The following CCT5 variants were observed in gnomAD, a reference collection of about 807,000 sequenced individuals.
CCT5 encodes chaperonin containing TCP1 subunit 5.
A neutral mutation model predicts 55.0 loss-of-function variants in CCT5; 6 were observed. The ratio of observed to expected loss-of-function variants is 0.11; its 90% CI spans 0.06 to 0.22. The LOEUF (loss-of-function observed/expected upper bound fraction) is 0.22. Ranked by LOEUF, CCT5 falls within the 10% of genes least tolerant of loss-of-function variation. CCT5 has a pLI of 1.00. For synonymous variants in CCT5, 231 were observed against 243.7 expected, an observed-to-expected ratio of 0.95 and a Z score of 0.49; for missense variants, 560 against 694.6, an observed-to-expected ratio of 0.81 and a Z score of 2.18.
upstream of CCT5, chr5:10,249,999 A>AGTCAATG: frequency 6.5e-7 from 1 of 1,540,616 alleles, no homozygotes; most frequent in Non-Finnish European, 8.7e-7. Context: ...TAGTGCTTTA[A>AGTCAATG]GTCAATGAAT....
intron 1 of CCT5, among the ~76,000 whole-genome samples, chr5:10,253,047 C>T (rs546904683): frequency 6.6e-6 from 1 of 152,202 alleles, no homozygotes; most frequent in South Asian, 2.1e-4. Flanking sequence ...CAGTTTCAGC[C>T]GGGCGTGGTT....
At chr5:10,255,567 AAGG>A (rs1293765881) in intron 3 of CCT5, among the ~76,000 whole-genome samples, 1 of 142,682 alleles carries the variant, frequency 7.0e-6, no homozygotes, top group Middle Eastern at 3.2e-3. Context: ...AATGAGGAGA[AAGG>A]AGGATGGGGG....
intron 3 of CCT5, 136 bp from the exon 4 acceptor site, chr5:10,255,819 C>T (rs1345282841): frequency 2.6e-6 from 2 of 769,086 alleles, no homozygotes; most frequent in Non-Finnish European, 4.4e-6. Context: ...AAATAGAGGG[C>T]TTCTGCCTCT....
Position 10,254,707 on chromosome 5 carries a change from A to G in CCT5, c.200A>G (p.Asp67Gly). The G allele has an allele frequency of 6.2e-7, 1 of 1,613,716 alleles. No homozygotes were observed. Among genetic ancestry groups the G allele is most frequent in the Non-Finnish European group, 8.5e-7 (1 of 1,179,754 alleles). The change falls in exon 3 of 11, where the codon GAT becomes GGT. Residue 67 changes from aspartate to glycine, a missense_variant. Physicochemically the swap from Asp to Gly is moderately conservative, Grantham distance 94. Transcript: ENST00000280326. ...LDKMMVDKDGDVTVTNDGATI... is the reference protein window; with the variant it reads ...LDKMMVDKDGGVTVTNDGATI... ...AAGATGATGGTGGATAAGGATGGAG[A>G]TGTGACTGTAACTAATGATGGGGCC...
rs943730319 is a variant in CCT5 at position 10,264,975 on chromosome 5, C to T, written c.*192C>T. On this transcript the variant is annotated 3_prime_UTR_variant, in exon 11 of 11. Transcript: ENST00000280326. ...AATCGTGGGGGTACCATCTCAACTG[C>T]TTTTGTATTCATTGTATTAAAAGAA... 5 of 617,818 alleles carry T rather than the reference C, an allele frequency of 8.1e-6. No individual in the cohort carries two copies. The African/African-American group carries it at 9.2e-5, about 11-fold the overall frequency. 38.3% of individuals were successfully genotyped at this position (617,818 alleles called of 1,614,324 possible).
At chr5:10,258,707 G>A (rs1745803316) in intron 6 of CCT5, among the ~76,000 whole-genome samples, 172 bp downstream of exon 6, 2 of 152,210 alleles carry the variant, frequency 1.3e-5, no homozygotes, top group South Asian at 4.1e-4. Flanking sequence ...TCTTAAAATG[G>A]TAGCGTGTTC....
chr5:10,266,089 T>G lies in CCT5; in HGVS notation c.*1306T>G, dbSNP rs1746218944. 1.3e-5 allele frequency: 2 copies of G among 152,212 alleles called. No homozygotes were observed. The highest frequency in any genetic ancestry group is 4.8e-5 in the African/African-American group (2 of 41,452). 9.4% of individuals were successfully genotyped at this position (152,212 alleles called of 1,614,324 possible). On this transcript the variant is annotated 3_prime_UTR_variant, in exon 11 of 11. Transcript: ENST00000280326. The stretch of plus-strand genomic sequence containing the variant: ...TGTGCTAATAGCAATCTTCCTAATT[T>G]TCATGTTTATATGGAACTATGCAGT...
At chr5:10,261,496 C>T (rs1309894593) in intron 7 of CCT5, 64 bp from the exon 8 acceptor site, 2 of 1,517,496 alleles carry the variant, frequency 1.3e-6, no homozygotes, top group Middle Eastern at 1.7e-4. Context: ...TCATTTGTGG[C>T]CCAGTTTTGA....
At chr5:10,260,072 T>C (rs1176831718) in intron 6 of CCT5, among the ~76,000 whole-genome samples, 1 of 152,124 alleles carries the variant, frequency 6.6e-6, no homozygotes, top group Non-Finnish European at 1.5e-5. Context: ...AGGAGGCTGC[T>C]GTTCTGGACT....
At chr5:10,264,617 A>G (rs747733119) in intron 10 of CCT5, 39 bp from the exon 11 acceptor site, 5 of 1,276,444 alleles carry the variant, frequency 3.9e-6, no homozygotes, top group South Asian at 3.6e-5. Context: ...AGTTTATTGT[A>G]TGCTATTTTA....
At position 10,255,941 on chromosome 5, in the gene CCT5, T is replaced by C. The variant is rs376698368; in HGVS notation, c.332-14T>C. Reference sequence around the variant, plus strand: ...TTGTTTGCCTGAACTGATTGTCTGCTGGCTTATTTGCAGTCCTGGCTGGTG... The same window carrying C: ...TTGTTTGCCTGAACTGATTGTCTGCCGGCTTATTTGCAGTCCTGGCTGGTG... On this transcript the variant is annotated splice_polypyrimidine_tract_variant and intron_variant, in intron 3 of 10. Transcript: ENST00000280326. 133 of 1,613,082 alleles carry C rather than the reference T, an allele frequency of 8.2e-5. No homozygotes were observed. The highest frequency in any genetic ancestry group is 1.1e-4 in the Non-Finnish European group (131 of 1,179,356).
intron 7 of CCT5, chr5:10,261,228 G>GT (rs967701542): frequency 7.1e-5 from 35 of 494,114 alleles, no homozygotes; most frequent in African/African-American, 6.4e-4. Flanking sequence ...TGCCTCGGTG[G>GT]TTCTCACTGC....
chr5:10,258,337 G>C, intron 5 of CCT5, 34 bp downstream of exon 5: 1 of 1,613,986 alleles, frequency 6.2e-7, no homozygotes, highest in Non-Finnish European at 8.5e-7. Flanking sequence ...TCGCACTGTT[G>C]GTTAACTCTT....
At position 10,256,098 on chromosome 5, in the gene CCT5, A is replaced by C. The variant is rs759349493; in HGVS notation, c.475A>C (p.Ile159Leu). Residue 159 changes from isoleucine to leucine, a missense_variant, in exon 4 of 11, where the codon ATA (isoleucine) becomes CTA (leucine). Physicochemically the swap from Ile to Leu is conservative, Grantham distance 5. Around this residue, in one of 4 missense-constraint regions of CCT5, gnomAD observed 52 missense variants for 35.3 expected, o/e 1.47. Coordinates refer to ENST00000280326, the MANE Select transcript of CCT5 (RefSeq NM_012073.5). ...GATCAGCGATAGCGTCCTTGTTGACATAAAGGACACCGAACCCCTGATTCA... is the reference window on the plus strand; with the variant it reads ...GATCAGCGATAGCGTCCTTGTTGACCTAAAGGACACCGAACCCCTGATTCA... ...DKISDSVLVD[I>L]KDTEPLIQTA... is the part of the protein sequence containing the mutation. 53 of 1,613,900 alleles carry C rather than the reference A, an allele frequency of 3.3e-5. No homozygotes were observed. Among genetic ancestry groups the C allele is most frequent in the Non-Finnish European group, 3.9e-5 (46 of 1,179,906 alleles).
rs1745604169 is a variant in CCT5, at chr5:10,255,031, G to A, written c.331+193G>A. 1.3e-5 allele frequency: 8 copies of A among 606,030 alleles called. No individual in the cohort carries two copies. The South Asian group carries it at 1.5e-4, about 11-fold the overall frequency. The allele number at this position is 606,030 out of a possible 1,614,324, so 37.5% of individuals were successfully genotyped here. On this transcript the variant is annotated intron_variant, in intron 3 of 10. Coordinates refer to ENST00000280326, the MANE Select transcript of CCT5 (RefSeq NM_012073.5). ...TTACAAAAGAACAGAAAGAGGGCTG[G>A]GGATTGTTAGGCATGGAGAAATGTG...
chr5:10,256,228 A>C (rs910058601), intron 4 of CCT5, 75 bp downstream of exon 4: 1 of 1,232,796 alleles, frequency 8.1e-7, no homozygotes, highest in African/African-American at 1.5e-5. Flanking sequence ...AAGGCAACAC[A>C]AAATGACCAC....
At chr5:10,251,946 G>T (rs913127419) in intron 1 of CCT5, among the ~76,000 whole-genome samples, 2 of 152,156 alleles carry the variant, frequency 1.3e-5, no homozygotes. Context: ...TCTGAGACAG[G>T]GTTATTTTAC....
chr5:10,258,655 A>G (rs1294394566), intron 6 of CCT5, 120 bp downstream of exon 6: 1 of 918,550 alleles, frequency 1.1e-6, no homozygotes, highest in African/African-American at 1.7e-5. Flanking sequence ...GAAAAAACCA[A>G]ATTGCATAGA....
chr5:10,257,987 T>G, intron 4 of CCT5, 124 bp from the exon 5 acceptor site: 1 of 1,000,500 alleles, frequency 1.0e-6, no homozygotes, highest in Non-Finnish European at 1.5e-6. Context: ...TGAGATGGCA[T>G]TCCCCTCTAG....
Sources: gnomAD v4.1 joint callset for allele counts (sites outside exome capture counted in the v4.1 genomes callset) on GRCh38, gnomAD v4.1.1 for gene constraint, gnomAD v4.1.1 regional missense constraint, MANE v1.5 for transcripts, NCBI Gene and HGNC (gene_info 2026-07-23, HGNC 2026-07-21) for gene names.